IGFL2: variants seen among roughly 807,000 people sequenced by gnomAD.
IGFL2 encodes insulin growth factor-like family member 2.
Under a neutral mutation model 13.9 loss-of-function variants are expected in IGFL2, and 7 were observed. The ratio of observed to expected loss-of-function variants is 0.51; its 90% CI spans 0.29 to 0.95. IGFL2 has a LOEUF of 0.95. IGFL2 is among the 40% of genes least tolerant of loss of function. The pLI is 0.08. For synonymous variants in IGFL2, 55 were observed against 55.8 expected (o/e 0.99, Z 0.07); for missense variants, 138 against 147.8 (o/e 0.93, Z 0.34).
chr19:46,126,707 A>C, the IGFL2 span, among the ~76,000 whole-genome samples: 1 of 152,208 alleles, frequency 6.6e-6, no homozygotes, highest in East Asian at 1.9e-4. Flanking sequence ...ACAACACACA[A>C]GCCAAATCAT....
the IGFL2 span, among the ~76,000 whole-genome samples, chr19:46,094,503 C>CTT: frequency 4.5e-3 from 657 of 146,760 alleles, 7 homozygotes; most frequent in African/African-American, 0.016. Context: ...TTTTCTTTTT[C>CTT]TTTTTTTTTT....
the IGFL2 span, among the ~76,000 whole-genome samples, chr19:46,185,600 A>G: frequency 1.3e-5 from 2 of 152,174 alleles, no homozygotes; most frequent in African/African-American, 2.4e-5. Context: ...TAAAAGTTGG[A>G]TGTGAGGAGA....
chr19:46,210,122 A>G, the IGFL2 span: 9 of 152,184 alleles, frequency 5.9e-5, no homozygotes, highest in African/African-American at 2.2e-4. Flanking sequence ...ATGATCAGAA[A>G]CCTTAGCAGG....
intron 1 of IGFL2, chr19:46,159,204 A>G (rs1973997177): frequency 6.6e-6 from 1 of 152,252 alleles, no homozygotes. Context: ...ATGACTCCAA[A>G]TAGTTCTCCA....
chr19:46,183,509 C>T, the IGFL2 span, among the ~76,000 whole-genome samples: 1 of 151,748 alleles, frequency 6.6e-6, no homozygotes, highest in African/African-American at 2.4e-5. Flanking sequence ...CCCAGTCTCT[C>T]CCCTACTCTG....
the IGFL2 span, among the ~76,000 whole-genome samples, chr19:46,188,223 G>A: frequency 6.6e-6 from 1 of 152,224 alleles, no homozygotes; most frequent in South Asian, 2.1e-4. Flanking sequence ...CCTTGGTCCA[G>A]CCCCCAGAAA....
the IGFL2 span, chr19:46,124,267 C>T: frequency 6.2e-7 from 1 of 1,610,722 alleles, no homozygotes; most frequent in African/African-American, 1.4e-5. Flanking sequence ...CCTGTCCTTA[C>T]CTGTAGTTCC....
At chr19:46,174,507 T>A in the IGFL2 span, among the ~76,000 whole-genome samples, 119 of 152,334 alleles carry the variant, frequency 7.8e-4, 2 homozygotes, top group Middle Eastern at 0.017. Context: ...TCAGCATAGC[T>A]GAAAGTTTCC....
upstream of IGFL2, among the ~76,000 whole-genome samples, chr19:46,145,200 T>G (rs929725124): frequency 6.6e-6 from 1 of 152,084 alleles, no homozygotes; most frequent in African/African-American, 2.4e-5. Context: ...GCCAAAATGT[T>G]TTTCGGGGTT....
chr19:46,177,419 A>G, the IGFL2 span, among the ~76,000 whole-genome samples: 8 of 152,132 alleles, frequency 5.3e-5, no homozygotes, highest in African/African-American at 1.7e-4. Context: ...AGTTTACTTA[A>G]TCCTTTATCA....
At chr19:46,133,632 G>A in the IGFL2 span, among the ~76,000 whole-genome samples, 3 of 152,208 alleles carry the variant, frequency 2.0e-5, no homozygotes, top group Non-Finnish European at 2.9e-5. Context: ...AGCTAAGAAC[G>A]CAGAGTATAT....
At chr19:46,212,730 T>TCTCC in the IGFL2 span, 1 of 152,000 alleles carries the variant, frequency 6.6e-6, no homozygotes, top group Non-Finnish European at 1.5e-5. Context: ...TCTCTCTCTC[T>TCTCC]CTCTCTCCTC....
At chr19:46,095,686 C>A in the IGFL2 span, among the ~76,000 whole-genome samples, 1 of 152,108 alleles carries the variant, frequency 6.6e-6, no homozygotes, top group South Asian at 2.1e-4. Flanking sequence ...CGAATCCAAT[C>A]CATCTTGAGT....
chr19:46,158,355 C>T (rs182023358), intron 1 of IGFL2, among the ~76,000 whole-genome samples: 18 of 152,112 alleles, frequency 1.2e-4, no homozygotes, highest in African/African-American at 3.9e-4. Flanking sequence ...ATTACAGGTG[C>T]GCACTACCAT....
the IGFL2 span, among the ~76,000 whole-genome samples, chr19:46,128,090 G>A: frequency 6.6e-6 from 1 of 152,148 alleles, no homozygotes; most frequent in Non-Finnish European, 1.5e-5. Flanking sequence ...TGTGGCAATT[G>A]TGAATGGGAA....
chr19:46,207,569 A>G, the IGFL2 span: 1 of 152,142 alleles, frequency 6.6e-6, no homozygotes, highest in African/African-American at 2.4e-5. Flanking sequence ...TTTCGTAGAG[A>G]CGGGGTTTCG....
At chr19:46,182,223 C>T in the IGFL2 span, among the ~76,000 whole-genome samples, 5 of 151,924 alleles carry the variant, frequency 3.3e-5, no homozygotes, top group South Asian at 4.2e-4. Context: ...AAAAATTAGC[C>T]GGGCTTGGTG....
At chr19:46,108,686 A>G in the IGFL2 span, among the ~76,000 whole-genome samples, 1 of 152,136 alleles carries the variant, frequency 6.6e-6, no homozygotes, top group Admixed American at 6.5e-5. Flanking sequence ...AAGGTGAAGG[A>G]TCAAGGCAGG....
the IGFL2 span, among the ~76,000 whole-genome samples, chr19:46,103,342 G>T: frequency 6.6e-6 from 1 of 152,306 alleles, no homozygotes; most frequent in African/African-American, 2.4e-5. Flanking sequence ...GTTAAAGAAG[G>T]TTTAGAAACG....
Sources: allele counts gnomAD v4.1 joint callset (sites outside exome capture counted in the v4.1 genomes callset), GRCh38; gene constraint gnomAD v4.1.1; transcripts MANE v1.5; gene names NCBI Gene and HGNC (gene_info 2026-07-23, HGNC 2026-07-21).